The following RANBP2 variants were observed in gnomAD, a reference collection of about 807,000 sequenced individuals.
RANBP2 encodes RAN binding protein 2.
Under a neutral mutation model 303.6 loss-of-function variants are expected in RANBP2, and 57 were observed. That is an observed-to-expected ratio of 0.19 (90% CI 0.15 to 0.23). The LOEUF (loss-of-function observed/expected upper bound fraction) is 0.23. Among genes scored for constraint, RANBP2 ranks in the 10% least tolerant of loss-of-function variants. The probability of loss-of-function intolerance (pLI) is 1.00; values close to 1 mark genes in which losing one functional copy is unlikely to be tolerated. For missense variants in RANBP2, 3,138 were observed against 3,780.8 expected (o/e 0.83, Z 4.46); for synonymous variants, 1,167 against 1,301.5 (o/e 0.90, Z 2.23).
chr2:109,237,011 C>T, the RANBP2 span, among the ~76,000 whole-genome samples: 1 of 152,118 alleles, frequency 6.6e-6, no homozygotes, highest in Non-Finnish European at 1.5e-5. Flanking sequence ...GGAAGCTAAA[C>T]TTAGAAGGTA....
chr2:109,408,387 T>C, the RANBP2 span, among the ~76,000 whole-genome samples: 10 of 152,270 alleles, frequency 6.6e-5, no homozygotes, highest in Admixed American at 2.0e-4. Context: ...CACCCAGATC[T>C]CCTGACTGCC....
the RANBP2 span, among the ~76,000 whole-genome samples, chr2:109,631,410 G>A: frequency 2.3e-4 from 35 of 152,312 alleles, no homozygotes; most frequent in South Asian, 7.0e-3. Context: ...TGGAAAGTGA[G>A]TTAAGTATAT....
the RANBP2 span, chr2:108,989,039 T>C: frequency 6.6e-6 from 1 of 152,420 alleles, no homozygotes; most frequent in East Asian, 1.9e-4. Context: ...CAGTTCTGGG[T>C]GACAGGCTTC....
the RANBP2 span, chr2:109,615,050 CA>C: frequency 4.5e-6 from 7 of 1,548,872 alleles, no homozygotes; most frequent in Non-Finnish European, 6.1e-6. Flanking sequence ...AGGAGGCGGA[CA>C]GGGGCAGCTC....
At chr2:108,865,989 G>A in the RANBP2 span, among the ~76,000 whole-genome samples, 16 of 152,260 alleles carry the variant, frequency 1.1e-4, no homozygotes, top group African/African-American at 3.4e-4. Flanking sequence ...CTGGGGAGAA[G>A]CTAGGAGCTG....
the RANBP2 span, among the ~76,000 whole-genome samples, chr2:109,365,080 C>T: frequency 8.1e-6 from 1 of 124,116 alleles, no homozygotes; most frequent in Non-Finnish European, 1.8e-5. Flanking sequence ...ACAAACAAAA[C>T]ATCCCAATGG....
the RANBP2 span, among the ~76,000 whole-genome samples, chr2:108,849,490 G>T: frequency 1.1e-3 from 165 of 152,096 alleles, no homozygotes; most frequent in African/African-American, 3.9e-3. Flanking sequence ...GACTCTCCAT[G>T]ACCTTTTCAG....
At chr2:109,517,002 C>T in the RANBP2 span, among the ~76,000 whole-genome samples, 10 of 152,104 alleles carry the variant, frequency 6.6e-5, no homozygotes, top group Admixed American at 3.3e-4. Flanking sequence ...TAAGGGTGAT[C>T]GCAGCCCTAC....
At chr2:109,084,262 C>T in the RANBP2 span, among the ~76,000 whole-genome samples, 4 of 152,226 alleles carry the variant, frequency 2.6e-5, no homozygotes, top group African/African-American at 9.6e-5. Flanking sequence ...TAACGTCAAC[C>T]AAACTCATCT....
the RANBP2 span, chr2:109,615,891 A>G: frequency 3.1e-3 from 4,968 of 1,612,934 alleles, 151 homozygotes; most frequent in African/African-American, 0.057. Context: ...TAGTGGACGT[A>G]TAAAACCCAG....
the RANBP2 span, among the ~76,000 whole-genome samples, chr2:109,678,071 C>A: frequency 1.3e-5 from 2 of 152,200 alleles, no homozygotes; most frequent in Non-Finnish European, 1.5e-5. Flanking sequence ...AGATGATGGG[C>A]TTCGGAAGGA....
chr2:109,014,849 C>T, the RANBP2 span, among the ~76,000 whole-genome samples: 2 of 152,100 alleles, frequency 1.3e-5, no homozygotes, highest in South Asian at 2.1e-4. Flanking sequence ...AGGCTGGGCG[C>T]GGTGGCTCAC....
chr2:109,650,604 T>G, the RANBP2 span, among the ~76,000 whole-genome samples: 1 of 152,130 alleles, frequency 6.6e-6, no homozygotes, highest in Non-Finnish European at 1.5e-5. Flanking sequence ...GCTCCCATAA[T>G]CCCCGTGTGT....
At chr2:109,673,171 G>A in the RANBP2 span, among the ~76,000 whole-genome samples, 1 of 152,322 alleles carries the variant, frequency 6.6e-6, no homozygotes, top group East Asian at 1.9e-4. Flanking sequence ...TTACGGGATG[G>A]TTAAGAGTGA....
At chr2:108,965,110 T>A in the RANBP2 span, among the ~76,000 whole-genome samples, 1 of 152,224 alleles carries the variant, frequency 6.6e-6, no homozygotes, top group Non-Finnish European at 1.5e-5. Flanking sequence ...AGCATGTGTG[T>A]GTCTGTGTGT....
At position 108,772,820 on chromosome 2, in the gene RANBP2, G is replaced by T. The variant is rs370146193; in HGVS notation, c.8114-48G>T. The T allele has an allele frequency of 2.4e-5, 38 of 1,583,296 alleles. No individual in the cohort carries two copies. In the African/African-American group the frequency reaches 5.1e-4, roughly 21 times the overall value. On this transcript the variant is annotated intron_variant, in intron 22 of 28. Transcript: ENST00000283195. ...TGATGACTACCATTGTTGTAGAGAA[G>T]TTGGGCTTCATCTAATTTCGTTTGC...
At chr2:108,736,433 GT>G (rs1695590956) in intron 6 of RANBP2, among the ~76,000 whole-genome samples, 184 bp downstream of exon 6, 1 of 152,112 alleles carries the variant, frequency 6.6e-6, no homozygotes, top group Non-Finnish European at 1.5e-5. Flanking sequence ...GTTCTAATTG[GT>G]TTTATATGAC....
At chr2:109,628,991 G>A in the RANBP2 span, among the ~76,000 whole-genome samples, 1 of 151,816 alleles carries the variant, frequency 6.6e-6, no homozygotes, top group Non-Finnish European at 1.5e-5. Flanking sequence ...ATCACCTGAG[G>A]TCAGGAGTTT....
At chr2:109,299,665 G>T in the RANBP2 span, among the ~76,000 whole-genome samples, 3 of 152,138 alleles carry the variant, frequency 2.0e-5, no homozygotes, top group Non-Finnish European at 4.4e-5. Flanking sequence ...TGTACTTGCC[G>T]AACCTAAAAG....
Sources: gnomAD v4.1 joint callset for allele counts (sites outside exome capture counted in the v4.1 genomes callset) on GRCh38, gnomAD v4.1.1 for gene constraint, MANE v1.5 for transcripts, NCBI Gene and HGNC (gene_info 2026-07-23, HGNC 2026-07-21) for gene names.